The following TAFA2 variants were observed in gnomAD, a reference collection of about 807,000 sequenced individuals.
TAFA2 encodes the protein TAFA chemokine like family member 2.
Under a neutral mutation model 18.8 loss-of-function variants are expected in TAFA2, and 7 were observed. The ratio of observed to expected loss-of-function variants is 0.37; its 90% CI spans 0.21 to 0.70. The LOEUF (loss-of-function observed/expected upper bound fraction) is 0.70. Ranked by LOEUF, TAFA2 falls within the 30% of genes least tolerant of loss-of-function variation. The probability of loss-of-function intolerance (pLI) is 0.53; values close to 1 mark genes in which losing one functional copy is unlikely to be tolerated. For missense variants in TAFA2, 122 were observed against 158.1 expected (o/e 0.77, Z 1.23); for synonymous variants, 60 against 54.2 (o/e 1.11, Z -0.47).
At chr12:62,023,889 C>A (rs1426653947) in intron 1 of TAFA2, 5 of 152,152 alleles carry the variant, frequency 3.3e-5, no homozygotes, top group Non-Finnish European at 7.4e-5. Flanking sequence ...TGCACGTCAT[C>A]TTTATCCTCA....
chr12:61,811,428 C>T (rs746456716), intron 2 of TAFA2, among the ~76,000 whole-genome samples: 7 of 151,268 alleles, frequency 4.6e-5, no homozygotes, highest in Non-Finnish European at 8.8e-5. Flanking sequence ...AGCAAGAGAA[C>T]GGCAAACTTG....
intron 1 of TAFA2, among the ~76,000 whole-genome samples, chr12:61,947,672 T>G (rs1268503745): frequency 1.3e-5 from 2 of 152,108 alleles, no homozygotes; most frequent in Non-Finnish European, 2.9e-5. Context: ...ACTCCAACAA[T>G]ACATGCTCTA....
In TAFA2 at chr12:61,807,256, A is replaced by C. The variant is rs530003057; in HGVS notation, c.107-52232T>G. On this transcript the variant is annotated intron_variant, in intron 2 of 4. Transcript: ENST00000416284. ...GCTCCAGCCGTGGCTGAAATGCGCCAATGTAAAGCTCAGGCCATGGTTTCA... is the reference window on the plus strand; with the variant it reads ...GCTCCAGCCGTGGCTGAAATGCGCCCATGTAAAGCTCAGGCCATGGTTTCA... 5.0e-4 allele frequency among the ~76,000 whole-genome samples: 76 copies of C among 151,472 alleles called. 4 individuals carry two copies. The highest frequency in any genetic ancestry group is 6.8e-3 in the Middle Eastern group (2 of 294).
intron 1 of TAFA2, among the ~76,000 whole-genome samples, chr12:62,051,906 T>G (rs1416704648): frequency 6.6e-6 from 1 of 152,148 alleles, no homozygotes; most frequent in African/African-American, 2.4e-5. Flanking sequence ...TTTTACACTT[T>G]GTAGTCCATA....
chr12:61,724,830 A>G (rs1484917197), intron 4 of TAFA2, among the ~76,000 whole-genome samples: 4 of 150,562 alleles, frequency 2.7e-5, no homozygotes, highest in South Asian at 2.1e-4. Flanking sequence ...ATATGTATAT[A>G]CACCCAGTAG....
intron 2 of TAFA2, among the ~76,000 whole-genome samples, chr12:61,768,781 G>T (rs985082718): frequency 6.6e-6 from 1 of 152,106 alleles, no homozygotes. Flanking sequence ...GAAACTTCCA[G>T]CTGAATTTTG....
chr12:61,913,196 C>T (rs375841523), intron 1 of TAFA2, among the ~76,000 whole-genome samples: 2 of 151,900 alleles, frequency 1.3e-5, no homozygotes, highest in South Asian at 4.2e-4. Context: ...AAAATAAATA[C>T]ATAGGGAAAG....
At chr12:62,135,130 T>C (rs148185449) in intron 1 of TAFA2, among the ~76,000 whole-genome samples, 326 of 152,238 alleles carry the variant, frequency 2.1e-3, no homozygotes, top group African/African-American at 7.4e-3. Context: ...GTAAGCTCTA[T>C]GGAGTCAAGG....
chr12:62,066,243 G>A (rs1308018423), intron 1 of TAFA2, among the ~76,000 whole-genome samples: 1 of 151,732 alleles, frequency 6.6e-6, no homozygotes, highest in African/African-American at 2.4e-5. Flanking sequence ...CAGATAAATA[G>A]AGTATCCATC....
chr12:61,796,983 C>G lies in TAFA2; in HGVS notation c.107-41959G>C, dbSNP rs1246139027. 2.0e-5 allele frequency among the ~76,000 whole-genome samples: 3 copies of G among 152,144 alleles called. No homozygotes were observed. In the East Asian group the frequency reaches 5.8e-4, roughly 29 times the overall value. On this transcript the variant is annotated intron_variant, in intron 2 of 4. Transcript: ENST00000416284. ...ACCTCATTATACCTCTCTCAAACAG[C>G]TGTTACAAAACTCTCTCAATCAGTC...
chr12:61,934,950 T>C (rs1877704086), intron 1 of TAFA2, among the ~76,000 whole-genome samples: 1 of 152,220 alleles, frequency 6.6e-6, no homozygotes, highest in African/African-American at 2.4e-5. Flanking sequence ...AGAACACATA[T>C]ATCTCAGATC....
At chr12:61,788,473 T>A (rs1463376352) in intron 2 of TAFA2, among the ~76,000 whole-genome samples, 1 of 151,682 alleles carries the variant, frequency 6.6e-6, no homozygotes, top group Non-Finnish European at 1.5e-5. Flanking sequence ...TAAATCTTAA[T>A]AAATTTAAGA....
chr12:61,967,611 T>A (rs1879112342), intron 1 of TAFA2, among the ~76,000 whole-genome samples: 1 of 151,774 alleles, frequency 6.6e-6, no homozygotes, highest in African/African-American at 2.4e-5. Flanking sequence ...TGCTGGAAAT[T>A]GAAGTGAAAG....
At chr12:61,797,462 T>C (rs982546533) in intron 2 of TAFA2, among the ~76,000 whole-genome samples, 2 of 152,008 alleles carry the variant, frequency 1.3e-5, no homozygotes, top group Non-Finnish European at 2.9e-5. Flanking sequence ...TGAGCTGCAA[T>C]GGAAGTTGGA....
chr12:62,035,987 G>A (rs895620900), intron 1 of TAFA2, among the ~76,000 whole-genome samples: 7 of 151,700 alleles, frequency 4.6e-5, no homozygotes, highest in African/African-American at 9.7e-5. Flanking sequence ...TGATCCGCCC[G>A]TCTCGGCCTC....
At chr12:61,859,578 G>A (rs774607368) in intron 2 of TAFA2, among the ~76,000 whole-genome samples, 3 of 152,148 alleles carry the variant, frequency 2.0e-5, no homozygotes, top group Non-Finnish European at 4.4e-5. Context: ...CGAGTAGCTG[G>A]GACTACAGGC....
At chr12:61,931,969 C>G (rs760920929) in intron 1 of TAFA2, among the ~76,000 whole-genome samples, 11 of 151,972 alleles carry the variant, frequency 7.2e-5, no homozygotes, top group African/African-American at 2.4e-5. Flanking sequence ...AATTTTATAC[C>G]TAAGTATAAA....
chr12:61,992,866 GA>G (rs1279751114), intron 1 of TAFA2, among the ~76,000 whole-genome samples: 1 of 152,134 alleles, frequency 6.6e-6, no homozygotes, highest in Non-Finnish European at 1.5e-5. Context: ...TATGTTTGTT[GA>G]AAGAATAGAC....
intron 1 of TAFA2, among the ~76,000 whole-genome samples, chr12:62,128,373 A>T (rs1447666647): frequency 6.6e-6 from 1 of 152,062 alleles, no homozygotes; most frequent in Non-Finnish European, 1.5e-5. Context: ...GGAAACTCAG[A>T]GGTTGTGAAA....
Sources: allele counts gnomAD v4.1 joint callset (sites outside exome capture counted in the v4.1 genomes callset), GRCh38; gene constraint gnomAD v4.1.1; transcripts MANE v1.5; gene names NCBI Gene and HGNC (gene_info 2026-07-23, HGNC 2026-07-21).